RORA: variants seen among roughly 807,000 people sequenced by gnomAD.
The protein encoded by RORA is RAR related orphan receptor A.
Under a neutral mutation model 69.5 loss-of-function variants are expected in RORA, and 7 were observed. The observed-to-expected ratio is 0.10, with a 90% CI of 0.06 to 0.19. The LOEUF is 0.19. Among genes scored for constraint, RORA ranks in the 10% least tolerant of loss-of-function variants. RORA has a pLI of 1.00. For synonymous variants in RORA, 261 were observed against 240.8 expected (o/e 1.08, Z -0.78); for missense variants, 457 against 663.0 (o/e 0.69, Z 3.41).
At chr15:60,689,037 G>A (rs1174275850) in intron 1 of RORA, among the ~76,000 whole-genome samples, 3 of 152,176 alleles carry the variant, frequency 2.0e-5, no homozygotes, top group Non-Finnish European at 4.4e-5. Flanking sequence ...GTAATACAAA[G>A]AGGATGACCT....
chr15:60,510,223 G>T (rs547220080), intron 5 of RORA, among the ~76,000 whole-genome samples: 1 of 152,246 alleles, frequency 6.6e-6, no homozygotes, highest in Non-Finnish European at 1.5e-5. Flanking sequence ...TATCCCAAAG[G>T]ATTATAACCT....
chr15:60,723,409 C>T (rs995666979), intron 1 of RORA, among the ~76,000 whole-genome samples: 1 of 145,642 alleles, frequency 6.9e-6, no homozygotes, highest in African/African-American at 2.5e-5. Context: ...TGGCCATGTT[C>T]TTTGAAAATT....
At chr15:61,186,306 C>A (rs557462486) in intron 1 of RORA, among the ~76,000 whole-genome samples, 4 of 152,228 alleles carry the variant, frequency 2.6e-5, no homozygotes, top group East Asian at 1.9e-4. Context: ...AATTCTAAGA[C>A]CCTGATGTGC....
intron 1 of RORA, among the ~76,000 whole-genome samples, chr15:60,844,936 G>A (rs970456233): frequency 5.3e-5 from 8 of 152,146 alleles, no homozygotes; most frequent in African/African-American, 9.7e-5. Context: ...CCAATGAGCC[G>A]TCTAAACAAA....
rs147925348 is a variant in RORA at position 61,212,375 on chromosome 15, G to A, written c.166+16678C>T. ...GCAAAGGGTCTAAAACCTGACTCTG[G>A]GCTTACAAACGTTCTGACTTTATTT... On this transcript the variant is annotated intron_variant, in intron 1 of 10. Transcript: ENST00000335670. 4.9e-3 allele frequency among the ~76,000 whole-genome samples: 750 copies of A among 152,206 alleles called. 4 individuals carry two copies. Among genetic ancestry groups the A allele is most frequent in the African/African-American group, 8.5e-3 (355 of 41,526 alleles).
At chr15:61,130,271 C>T (rs1287895264) in intron 1 of RORA, among the ~76,000 whole-genome samples, 3 of 152,224 alleles carry the variant, frequency 2.0e-5, no homozygotes, top group African/African-American at 7.2e-5. Flanking sequence ...TAAATGTACA[C>T]ATCTGATTTC....
intron 1 of RORA, among the ~76,000 whole-genome samples, chr15:60,994,083 T>G (rs542320532): frequency 6.6e-6 from 1 of 152,342 alleles, no homozygotes; most frequent in African/African-American, 2.4e-5. Context: ...TATTAAAAAT[T>G]CAATGTTTTG....
chr15:60,840,152 T>G (rs2073176647), intron 1 of RORA, among the ~76,000 whole-genome samples: 1 of 152,154 alleles, frequency 6.6e-6, no homozygotes, highest in Admixed American at 6.5e-5. Context: ...TTAGAACTGT[T>G]TCTGGGGTTC....
chr15:60,713,611 G>A (rs549057369), intron 1 of RORA, among the ~76,000 whole-genome samples: 3 of 152,086 alleles, frequency 2.0e-5, no homozygotes, highest in Non-Finnish European at 4.4e-5. Flanking sequence ...TCAGCCCTTA[G>A]GAATATTCCC....
intron 1 of RORA, among the ~76,000 whole-genome samples, chr15:60,956,372 CAGGA>C (rs1338935811): frequency 2.0e-5 from 3 of 152,190 alleles, no homozygotes; most frequent in African/African-American, 7.2e-5. Context: ...TTTTACAAAT[CAGGA>C]AGCAGACGCC....
At chr15:60,798,445 T>A (rs1408535657) in intron 1 of RORA, among the ~76,000 whole-genome samples, 1 of 152,126 alleles carries the variant, frequency 6.6e-6, no homozygotes, top group Non-Finnish European at 1.5e-5. Flanking sequence ...TTAGAATCCA[T>A]GGACTCTTAT....
chr15:60,737,750 G>C (rs1247552150), intron 1 of RORA, among the ~76,000 whole-genome samples: 1 of 152,234 alleles, frequency 6.6e-6, no homozygotes, highest in Non-Finnish European at 1.5e-5. Context: ...TGTGTGAACT[G>C]TCAACTGGAG....
intron 1 of RORA, among the ~76,000 whole-genome samples, chr15:60,833,799 T>C (rs995916166): frequency 4.6e-5 from 7 of 152,226 alleles, no homozygotes; most frequent in African/African-American, 1.4e-4. Context: ...TGAGAGAACA[T>C]AGCTTAGGAG....
chr15:60,810,672 T>C (rs2072730903), intron 1 of RORA, among the ~76,000 whole-genome samples: 1 of 152,088 alleles, frequency 6.6e-6, no homozygotes, highest in Non-Finnish European at 1.5e-5. Context: ...TCTCTACTTA[T>C]CTTTCTGTGT....
chr15:61,038,020 G>A (rs187367264), intron 1 of RORA, among the ~76,000 whole-genome samples: 70 of 152,224 alleles, frequency 4.6e-4, no homozygotes, highest in African/African-American at 1.6e-3. Context: ...GTGTGTTTAA[G>A]ATTTGATTAA....
chr15:61,115,556 G>A (rs1292017399), intron 1 of RORA, among the ~76,000 whole-genome samples: 1 of 152,178 alleles, frequency 6.6e-6, no homozygotes, highest in Admixed American at 6.5e-5. Flanking sequence ...AGAGAGAGAT[G>A]GCATTGGAAA....
intron 1 of RORA, among the ~76,000 whole-genome samples, chr15:60,996,979 G>A (rs1894569750): frequency 6.6e-6 from 1 of 151,924 alleles, no homozygotes; most frequent in Admixed American, 6.6e-5. Flanking sequence ...CATTTTAGGA[G>A]CCTATAAAGT....
chr15:60,592,659 G>A, intron 2 of RORA: 1 of 1,057,894 alleles, frequency 9.5e-7, no homozygotes, highest in Non-Finnish European at 1.1e-6. Flanking sequence ...GAGGCGGGAG[G>A]CAGGCGCGCC....
intron 2 of RORA, among the ~76,000 whole-genome samples, chr15:60,620,484 A>G (rs1247785340): frequency 2.0e-5 from 3 of 152,232 alleles, no homozygotes; most frequent in Admixed American, 6.5e-5. Flanking sequence ...TTAAATGAAA[A>G]TAAAAATTAA....
Sources: gnomAD v4.1 joint callset for allele counts (sites outside exome capture counted in the v4.1 genomes callset) on GRCh38, gnomAD v4.1.1 for gene constraint, MANE v1.5 for transcripts, NCBI Gene and HGNC (gene_info 2026-07-23, HGNC 2026-07-21) for gene names.